Variants in RCL1 observed in about 807,000 individuals in gnomAD.
The protein encoded by RCL1 is RNA 3'-terminal phosphate cyclase-like protein.
RCL1 carries 24 observed loss-of-function variants against 42.4 expected under a neutral mutation model. The ratio of observed to expected loss-of-function variants is 0.57; its 90% CI spans 0.41 to 0.80. The LOEUF (loss-of-function observed/expected upper bound fraction) is 0.80. Ranked by LOEUF, RCL1 falls within the 30% of genes least tolerant of loss-of-function variation. The pLI, the probability that RCL1 is intolerant of heterozygous loss-of-function variation, is 0.00. For synonymous variants in RCL1, 228 were observed against 177.3 expected (o/e 1.29, Z -2.27); for missense variants, 578 against 467.9 (o/e 1.24, Z -2.17).
rs373001436 is a variant in RCL1 at position 4,802,252 on chromosome 9, C to T, written c.136+9025C>T. Among the ~76,000 whole-genome samples the T allele has an allele frequency of 1.1e-4, 16 of 152,194 alleles. No individual in the cohort carries two copies. The South Asian group carries it at 2.7e-3, about 26-fold the overall frequency. ...TATATCACACAGTCTTGATTACTTA[C>T]TGTAGCTGTCTAATGAGTCTTGAAG... On this transcript the variant is annotated intron_variant, in intron 1 of 8. Transcript: ENST00000381750.
At chr9:4,854,836 C>T (rs1271299897) in intron 8 of RCL1, among the ~76,000 whole-genome samples, 1 of 152,062 alleles carries the variant, frequency 6.6e-6, no homozygotes, top group Non-Finnish European at 1.5e-5. Flanking sequence ...GCGGGTAGAT[C>T]ACGAGGTCAG....
At chr9:4,824,550 T>C (rs1816695072) in intron 2 of RCL1, among the ~76,000 whole-genome samples, 1 of 152,202 alleles carries the variant, frequency 6.6e-6, no homozygotes, top group African/African-American at 2.4e-5. Flanking sequence ...TTCTAGCTTT[T>C]ATTTTTTCTA....
intron 5 of RCL1, among the ~76,000 whole-genome samples, chr9:4,838,581 G>A (rs947156276): frequency 1.2e-4 from 4 of 32,818 alleles, no homozygotes; most frequent in African/African-American, 9.7e-4. Flanking sequence ...TCCACCTACT[G>A]TAACATACAC....
intron 1 of RCL1, among the ~76,000 whole-genome samples, chr9:4,798,267 C>T (rs1842945127): frequency 6.6e-6 from 1 of 152,228 alleles, no homozygotes; most frequent in South Asian, 2.1e-4. Context: ...TTCAGTTTAA[C>T]AGTCTCTGTA....
At chr9:4,843,448 GCAT>G (rs1254511735) in intron 6 of RCL1, among the ~76,000 whole-genome samples, 4 of 152,002 alleles carry the variant, frequency 2.6e-5, no homozygotes, top group African/African-American at 9.7e-5. Context: ...CTATACCAGT[GCAT>G]ATCTCTAATG....
intron 8 of RCL1, among the ~76,000 whole-genome samples, chr9:4,853,202 T>A (rs943174904): frequency 1.3e-5 from 2 of 152,048 alleles, no homozygotes; most frequent in African/African-American, 4.8e-5. Context: ...GTGCACCGTC[T>A]TACAGGTGAT....
intron 3 of RCL1, among the ~76,000 whole-genome samples, chr9:4,828,672 C>G (rs1348457973): frequency 1.3e-5 from 2 of 151,850 alleles, no homozygotes; most frequent in African/African-American, 2.4e-5. Context: ...GGAAAAGGCC[C>G]TGAAGTGTAC....
At chr9:4,860,040 A>T in intron 8 of RCL1, 85 bp from the exon 9 acceptor site, 2 of 961,936 alleles carry the variant, frequency 2.1e-6, no homozygotes, top group Non-Finnish European at 3.0e-6. Flanking sequence ...CTGGGAGATT[A>T]AAACCTTGGA....
chr9:4,840,140 G>T (rs1418713430), intron 5 of RCL1, among the ~76,000 whole-genome samples: 1 of 151,970 alleles, frequency 6.6e-6, no homozygotes. Context: ...GGTCAAAAAA[G>T]GGAGCTAGAT....
chr9:4,828,311 G>A (rs1816834637), intron 3 of RCL1, among the ~76,000 whole-genome samples: 1 of 152,152 alleles, frequency 6.6e-6, no homozygotes. Context: ...TACTCAGGGA[G>A]GACCAATGAG....
At chr9:4,847,261 G>T (rs969301739) in intron 7 of RCL1, among the ~76,000 whole-genome samples, 4 of 152,074 alleles carry the variant, frequency 2.6e-5, no homozygotes, top group Admixed American at 2.0e-4. Context: ...TAGTTATTCA[G>T]AAAACTTCCT....
chr9:4,828,875 A>G (rs1012564699), intron 3 of RCL1, among the ~76,000 whole-genome samples: 2 of 152,234 alleles, frequency 1.3e-5, no homozygotes, highest in African/African-American at 2.4e-5. Context: ...TGCCAGCTGC[A>G]TGACTAAAAT....
intron 5 of RCL1, among the ~76,000 whole-genome samples, chr9:4,840,705 C>G (rs1302711193): frequency 6.6e-6 from 1 of 152,140 alleles, no homozygotes; most frequent in African/African-American, 2.4e-5. Flanking sequence ...ATAGCAGCAA[C>G]CATGTTCTTT....
Position 4,827,030 on chromosome 9 carries a change from T to A in RCL1, c.381T>A (p.Pro127=). 5 of 1,614,226 alleles carry A rather than the reference T, an allele frequency of 3.1e-6. No individual in the cohort carries two copies. The highest frequency in any genetic ancestry group is 4.2e-6 in the Non-Finnish European group (5 of 1,180,046). Residue 127 remains proline, a synonymous_variant, in exon 3 of 9, where the codon CCT becomes CCA. Transcript: ENST00000381750. The stretch of plus-strand genomic sequence containing the variant: ...GAGTGACCAATGATCAGGTTGACCC[T>A]TCAGTGAGTATTGAGAACAAACCGT... ...LRGVTNDQVD[P]SVDVLKATAL... is the part of the protein sequence containing the mutation.
At chr9:4,809,073 A>G (rs1816077181) in intron 1 of RCL1, among the ~76,000 whole-genome samples, 1 of 151,314 alleles carries the variant, frequency 6.6e-6, no homozygotes, top group Admixed American at 6.6e-5. Context: ...GAATATTATC[A>G]TTATTCCATT....
intron 3 of RCL1, among the ~76,000 whole-genome samples, chr9:4,828,405 G>A (rs1304198842): frequency 6.6e-6 from 1 of 152,064 alleles, no homozygotes; most frequent in Non-Finnish European, 1.5e-5. Flanking sequence ...TATGTTCTTA[G>A]GCAATAAAAA....
chr9:4,807,736 C>T (rs1256231750), intron 1 of RCL1, among the ~76,000 whole-genome samples: 1 of 152,146 alleles, frequency 6.6e-6, no homozygotes, highest in Non-Finnish European at 1.5e-5. Context: ...TCAGGTTGGC[C>T]TCAAACTCCT....
chr9:4,846,867 G>A (rs1042853032), intron 7 of RCL1, among the ~76,000 whole-genome samples: 17 of 138,578 alleles, frequency 1.2e-4, no homozygotes, highest in Admixed American at 2.2e-4. Context: ...AAAACATGCA[G>A]TTTAAATTAG....
At chr9:4,829,038 C>T (rs936806620) in intron 3 of RCL1, among the ~76,000 whole-genome samples, 6 of 152,204 alleles carry the variant, frequency 3.9e-5, no homozygotes, top group East Asian at 1.9e-4. Context: ...TGCATCTACT[C>T]TCTGTGTACA....
Sources: allele counts gnomAD v4.1 joint callset (sites outside exome capture counted in the v4.1 genomes callset), GRCh38; gene constraint gnomAD v4.1.1; transcripts MANE v1.5; gene names NCBI Gene and HGNC (gene_info 2026-07-23, HGNC 2026-07-21).